Variants in EIF3G observed in about 807,000 individuals in gnomAD.
The protein encoded by EIF3G is eukaryotic translation initiation factor 3 subunit G, also known as eukaryotic translation initiation factor 3 RNA-binding subunit.
A neutral mutation model predicts 41.7 loss-of-function variants in EIF3G; 10 were observed. The ratio of observed to expected loss-of-function variants is 0.24; its 90% CI spans 0.15 to 0.41. The LOEUF (loss-of-function observed/expected upper bound fraction) is 0.41. Among genes scored for constraint, EIF3G ranks in the 10% least tolerant of loss-of-function variants. EIF3G has a pLI of 1.00. For synonymous variants in EIF3G, 204 were observed against 172.5 expected (o/e 1.18, Z -1.43); for missense variants, 297 against 444.0 (o/e 0.67, Z 2.98).
At chr19:10,117,039 T>G in intron 6 of EIF3G, 45 bp downstream of exon 6, 1 of 1,605,528 alleles carries the variant, frequency 6.2e-7, no homozygotes, top group South Asian at 1.1e-5. Flanking sequence ...GGCACCCCCT[T>G]TGCCCCACCC....
At chr19:10,118,758 C>T in intron 4 of EIF3G, 31 bp from the exon 5 acceptor site, 4 of 1,613,240 alleles carry the variant, frequency 2.5e-6, no homozygotes, top group South Asian at 1.1e-5. Flanking sequence ...GGGTCAGGCT[C>T]CTGGGACCAA....
Position 10,118,853 on chromosome 19 carries a change from A to ACCCC in EIF3G, c.240+11_240+14dup. The ACCCC allele has an allele frequency of 6.2e-7, 1 of 1,603,888 alleles. No homozygotes were observed. Among genetic ancestry groups the ACCCC allele is most frequent in the Non-Finnish European group, 8.5e-7 (1 of 1,176,122 alleles). On this transcript the variant is annotated intron_variant, in intron 4 of 10. Coordinates refer to ENST00000253108, the MANE Select transcript of EIF3G (RefSeq NM_003755.5). ...AAGCACAAGGGTCCCCACTCCCTGC[A>ACCCC]CCCCCCACCCTCACCTTGAACTTCT... is the stretch of plus-strand genomic sequence containing the variant.
chr19:10,115,301 C>G, intron 10 of EIF3G, 172 bp from the exon 11 acceptor site: 4 of 1,117,708 alleles, frequency 3.6e-6, no homozygotes, highest in Non-Finnish European at 5.0e-6. Context: ...GGCAGGGACC[C>G]CAGGCACAAG....
At position 10,119,863 on chromosome 19, in the gene EIF3G, A is replaced by T. The variant is rs765904140; in HGVS notation, c.-4T>A. 6.2e-7 allele frequency: 1 copy of T among 1,614,192 alleles called. No individual in the cohort carries two copies. The highest frequency in any genetic ancestry group is 8.5e-7 in the Non-Finnish European group (1 of 1,180,028). Reference sequence around the variant, plus strand: ...ACTCAAAGTCTCCAGTAGGCATCGCAAAAAGTATTCTCCACGCAGCCCAAG... The same window carrying T: ...ACTCAAAGTCTCCAGTAGGCATCGCTAAAAGTATTCTCCACGCAGCCCAAG... On this transcript the variant is annotated 5_prime_UTR_variant, in exon 1 of 11. Transcript: ENST00000253108.
rs573098250 is a variant in EIF3G at position 10,116,781 on chromosome 19, G to A, written c.595+19C>T. ...GACAGAACCCGTGCACTGACAGCAG[G>A]ACCCTCCCACCCCCACACCTCCCGG... On this transcript the variant is annotated intron_variant, in intron 7 of 10. Coordinates refer to ENST00000253108, the MANE Select transcript of EIF3G (RefSeq NM_003755.5). This position sits in a 1 kb window ranked among gnomAD's most constrained non-coding sequence, Gnocchi z 4.1. 9.9e-5 allele frequency: 154 copies of A among 1,555,588 alleles called. 9 individuals carry two copies. In the South Asian group the frequency reaches 1.8e-3, roughly 18 times the overall value.
intron 5 of EIF3G, chr19:10,118,459 GGAGGCT>G: frequency 1.7e-6 from 1 of 573,962 alleles, no homozygotes; most frequent in African/African-American, 1.9e-5. Context: ...CAGCTACTCG[GGAGGCT>G]GAGGCAGGAG....
chr19:10,118,554 C>A (rs367825195), intron 5 of EIF3G, 114 bp downstream of exon 5: 41 of 1,182,798 alleles, frequency 3.5e-5, no homozygotes, highest in African/African-American at 3.0e-4. Context: ...GACAGAGCAA[C>A]ACTCTGTCTC....
At chr19:10,118,590 GCC>G (rs778637284) in intron 5 of EIF3G, 76 bp downstream of exon 5, 88 of 1,306,936 alleles carry the variant, frequency 6.7e-5, no homozygotes, top group Middle Eastern at 1.9e-4. Flanking sequence ...AAAGAGTTAA[GCC>G]CCATCTCTAA....
At position 10,115,818 on chromosome 19, in the gene EIF3G, CGGCTGTGTGGGAGAGGGGAGGT is replaced by C; in HGVS notation, c.704-20_705del. ...GTGACACGGATGGTGGCGTTGTCGT[CGGCTGTGTGGGAGAGGGGAGGT>C]GGCTGTGAGGGGGAGGACACTGCCC... On this transcript the variant is annotated splice_acceptor_variant and splice_polypyrimidine_tract_variant and coding_sequence_variant and intron_variant, in exon 9 of 11. Transcript: ENST00000253108. LOFTEE classifies it high-confidence loss of function. The C allele has an allele frequency of 6.2e-7, 1 of 1,612,280 alleles. No individual in the cohort carries two copies. The highest frequency in any genetic ancestry group is 8.5e-7 in the Non-Finnish European group (1 of 1,179,840).
chr19:10,115,437 A>C (rs1281949957), intron 10 of EIF3G, 42 bp downstream of exon 10: 1 of 1,569,602 alleles, frequency 6.4e-7, no homozygotes, highest in Admixed American at 1.7e-5. Flanking sequence ...AGGTGCTGGG[A>C]CAAGGCAGGG....
rs1397513228 is a variant in EIF3G, at chr19:10,116,837, C to G, written c.558G>C (p.Leu186=). ...GPMQKELAEQ[L]GLSTGEKEKL... ...TCTCCTTCTCGCCAGTAGACAGGCC[C>G]AGCTGCTCGGCCAGCTCCTTCTGCA... Residue 186 remains leucine, a synonymous_variant, in exon 7 of 11, where the codon CTG becomes CTC. Coordinates refer to ENST00000253108, the MANE Select transcript of EIF3G (RefSeq NM_003755.5). The surrounding 1 kb of genome is among the most constrained non-coding windows in gnomAD (Gnocchi z 4.1). 5.6e-6 allele frequency: 9 copies of G among 1,608,778 alleles called. No individual in the cohort carries two copies. The highest frequency in any genetic ancestry group is 7.6e-6 in the Non-Finnish European group (9 of 1,176,706).
At chr19:10,117,874 G>C (rs1218995762) in intron 5 of EIF3G, among the ~76,000 whole-genome samples, 1 of 151,890 alleles carries the variant, frequency 6.6e-6, no homozygotes, top group Non-Finnish European at 1.5e-5. Flanking sequence ...GGGCAACATA[G>C]TGAAACCCCA....
At chr19:10,118,606 C>T (rs778922588) in intron 5 of EIF3G, 62 bp downstream of exon 5, 3 of 1,512,970 alleles carry the variant, frequency 2.0e-6, no homozygotes, top group Middle Eastern at 1.7e-4. Context: ...TCTCTAAACA[C>T]AAAGTCCGGG....
intron 10 of EIF3G, 117 bp from the exon 11 acceptor site, chr19:10,115,246 G>C (rs891087648): frequency 1.5e-6 from 2 of 1,367,000 alleles, no homozygotes; most frequent in Middle Eastern, 2.4e-4. Context: ...AGGACGAAGC[G>C]GGCACGGAGC....
intron 2 of EIF3G, 51 bp downstream of exon 2, chr19:10,119,603 C>A (rs753446644): frequency 6.4e-7 from 1 of 1,551,088 alleles, no homozygotes; most frequent in Admixed American, 1.9e-5. Context: ...AGGCGGCAGT[C>A]ACACGGCTTG....
In EIF3G at chr19:10,117,155, G is replaced by T; in HGVS notation, c.334C>A (p.Pro112Thr). The T allele has an allele frequency of 6.2e-7, 1 of 1,612,988 alleles. No homozygotes were observed. Among genetic ancestry groups the T allele is most frequent in the Non-Finnish European group, 8.5e-7 (1 of 1,179,606 alleles). ...GTGGTGGCCACATTGGGTCCGGGGGGGTCAAACTCTGAGTTCCCGAACTTC... is the reference window on the plus strand; with the variant it reads ...GTGGTGGCCACATTGGGTCCGGGGGTGTCAAACTCTGAGTTCCCGAACTTC... Reference protein sequence around the residue: ...WKKFGNSEFDPPGPNVATTTV... With the variant: ...WKKFGNSEFDTPGPNVATTTV... The change falls in exon 6 of 11, where the codon CCC becomes ACC. Residue 112 changes from proline to threonine, a missense_variant. Pro to Thr is a conservative substitution (Grantham distance 38). Transcript: ENST00000253108.
At chr19:10,119,004 G>C (rs1244117331) in intron 3 of EIF3G, 48 bp from the exon 4 acceptor site, 8 of 1,613,698 alleles carry the variant, frequency 5.0e-6, no homozygotes, top group Non-Finnish European at 6.8e-6. Flanking sequence ...GGGTCATGGG[G>C]ATCAGGAGCG....
In EIF3G at chr19:10,118,931, G is replaced by A; in HGVS notation, c.177C>T (p.Val59=). The A allele has an allele frequency of 6.2e-7, 1 of 1,613,800 alleles. No homozygotes were observed. The highest frequency in any genetic ancestry group is 8.5e-7 in the Non-Finnish European group (1 of 1,179,984). The change falls in exon 4 of 11, where the codon GTC becomes GTT. Residue 59 remains valine, a synonymous_variant. Coordinates refer to ENST00000253108, the MANE Select transcript of EIF3G (RefSeq NM_003755.5). ...TCACTGTCTTTATGTTTCCGTTGAT[G>A]ACCTCCTTGGGAGGCGGCAGTGGAG... ...PGAPLPPPKE[V]INGNIKTVTE...
intron 9 of EIF3G, 46 bp from the exon 10 acceptor site, chr19:10,115,631 C>T (rs2089230989): frequency 6.2e-7 from 1 of 1,612,088 alleles, no homozygotes; most frequent in South Asian, 1.1e-5. Flanking sequence ...GGACAGGCGA[C>T]CCTAGGACAA....
Sources: gnomAD v4.1 joint callset for allele counts (sites outside exome capture counted in the v4.1 genomes callset) on GRCh38, gnomAD v4.1.1 for gene constraint, Gnocchi (gnomAD v3.1) non-coding constraint, MANE v1.5 for transcripts, NCBI Gene and HGNC (gene_info 2026-07-23, HGNC 2026-07-21) for gene names.